The following FBXL7 variants were observed in gnomAD, a reference collection of about 807,000 sequenced individuals.
The protein encoded by FBXL7 is F-box and leucine rich repeat protein 7.
A neutral mutation model predicts 38.3 loss-of-function variants in FBXL7; 12 were observed. The observed-to-expected ratio is 0.31, with a 90% CI of 0.20 to 0.51. FBXL7 has a LOEUF of 0.51. FBXL7 is among the 20% of genes least tolerant of loss of function. The pLI, the probability that FBXL7 is intolerant of heterozygous loss-of-function variation, is 0.98. For missense variants in FBXL7, 567 were observed against 676.4 expected (o/e 0.84, Z 1.79); for synonymous variants, 297 against 300.9 (o/e 0.99, Z 0.13).
chr5:15,875,694 A>T (rs1258964786), intron 2 of FBXL7, among the ~76,000 whole-genome samples: 1 of 152,234 alleles, frequency 6.6e-6, no homozygotes, highest in Non-Finnish European at 1.5e-5. Flanking sequence ...AATCAAAACC[A>T]CAATGAAATA....
chr5:15,750,520 A>AT (rs1182635787), intron 2 of FBXL7, among the ~76,000 whole-genome samples: 1 of 152,178 alleles, frequency 6.6e-6, no homozygotes, highest in African/African-American at 2.4e-5. Context: ...CTGCAGCCCC[A>AT]CCTGCAGTTT....
chr5:15,691,084 C>T (rs1743167552), intron 2 of FBXL7, among the ~76,000 whole-genome samples: 1 of 152,136 alleles, frequency 6.6e-6, no homozygotes, highest in Non-Finnish European at 1.5e-5. Context: ...AATGAGCTTT[C>T]CTATCTGTTG....
intron 1 of FBXL7, among the ~76,000 whole-genome samples, chr5:15,554,322 C>T (rs1167732761): frequency 6.6e-6 from 1 of 152,134 alleles, no homozygotes; most frequent in East Asian, 1.9e-4. Context: ...CCAATTCAAG[C>T]AGATCCCTGT....
intron 1 of FBXL7, among the ~76,000 whole-genome samples, chr5:15,581,011 G>A (rs1463156575): frequency 2.0e-5 from 3 of 152,164 alleles, no homozygotes; most frequent in African/African-American, 7.2e-5. Flanking sequence ...AGTACCTGGG[G>A]ACAGATGCTG....
At chr5:15,741,982 C>A (rs1735905045) in intron 2 of FBXL7, among the ~76,000 whole-genome samples, 1 of 152,076 alleles carries the variant, frequency 6.6e-6, no homozygotes, top group Non-Finnish European at 1.5e-5. Flanking sequence ...TTTACTGAGG[C>A]AGAATGAGCT....
intron 2 of FBXL7, among the ~76,000 whole-genome samples, chr5:15,798,751 A>G (rs1737480537): frequency 6.6e-6 from 1 of 152,236 alleles, no homozygotes; most frequent in South Asian, 2.1e-4. Context: ...CAAATGCTTC[A>G]TCAGCCTTCT....
At chr5:15,511,937 A>G (rs947092343) in intron 1 of FBXL7, among the ~76,000 whole-genome samples, 1 of 152,170 alleles carries the variant, frequency 6.6e-6, no homozygotes, top group African/African-American at 2.4e-5. Flanking sequence ...TATAAGACAA[A>G]AGATCATGAC....
At chr5:15,851,725 T>C (rs974808429) in intron 2 of FBXL7, among the ~76,000 whole-genome samples, 1 of 151,738 alleles carries the variant, frequency 6.6e-6, no homozygotes, top group African/African-American at 2.4e-5. Context: ...TTGGGAGGGC[T>C]AGGGAGGGCT....
chr5:15,613,465 T>C (rs1740324181), intron 1 of FBXL7, among the ~76,000 whole-genome samples: 1 of 152,138 alleles, frequency 6.6e-6, no homozygotes, highest in Admixed American at 6.5e-5. Context: ...ATTGCTGCAT[T>C]GTTTTGGTTA....
At chr5:15,514,962 C>T (rs1306688777) in intron 1 of FBXL7, among the ~76,000 whole-genome samples, 1 of 152,176 alleles carries the variant, frequency 6.6e-6, no homozygotes, top group African/African-American at 2.4e-5. Context: ...TCATAGACCA[C>T]CTTCTCTCTG....
chr5:15,925,336 A>C (rs1324568446), intron 2 of FBXL7, among the ~76,000 whole-genome samples: 1 of 152,240 alleles, frequency 6.6e-6, no homozygotes, highest in Non-Finnish European at 1.5e-5. Flanking sequence ...GCAGCTACTC[A>C]AGAAAGGTGT....
chr5:15,849,218 G>A (rs1168290031), intron 2 of FBXL7, among the ~76,000 whole-genome samples: 1 of 152,216 alleles, frequency 6.6e-6, no homozygotes, highest in Admixed American at 6.5e-5. Flanking sequence ...AATGCAGTGT[G>A]TGACTCCTCT....
intron 2 of FBXL7, among the ~76,000 whole-genome samples, chr5:15,623,950 A>G (rs576570444): frequency 7.9e-5 from 12 of 152,330 alleles, no homozygotes; most frequent in Middle Eastern, 3.4e-3. Flanking sequence ...GCTCAAGACT[A>G]CGAGCCTTGA....
chr5:15,639,734 A>G (rs1355415130), intron 2 of FBXL7, among the ~76,000 whole-genome samples: 1 of 151,900 alleles, frequency 6.6e-6, no homozygotes, highest in Non-Finnish European at 1.5e-5. Context: ...AAGGGCTACT[A>G]GATTACTGCC....
intron 3 of FBXL7, among the ~76,000 whole-genome samples, chr5:15,934,516 T>C (rs1012877650): frequency 5.9e-5 from 9 of 152,016 alleles, no homozygotes; most frequent in African/African-American, 2.2e-4. Context: ...AACTTATGCA[T>C]ACATATTTTT....
At chr5:15,878,087 G>A (rs1184503988) in intron 2 of FBXL7, among the ~76,000 whole-genome samples, 2 of 152,194 alleles carry the variant, frequency 1.3e-5, no homozygotes, top group Non-Finnish European at 2.9e-5. Flanking sequence ...GCTGCACTAT[G>A]AGGACAACGT....
At chr5:15,771,574 C>A (rs1736727569) in intron 2 of FBXL7, among the ~76,000 whole-genome samples, 1 of 152,208 alleles carries the variant, frequency 6.6e-6, no homozygotes, top group African/African-American at 2.4e-5. Context: ...GGGATAACCT[C>A]TGGCTGGGAA....
In FBXL7 at chr5:15,505,682, CATTTT is replaced by C. The variant is rs553514076; in HGVS notation, c.37+4971_37+4975del. 1.4e-3 allele frequency among the ~76,000 whole-genome samples: 214 copies of C among 152,284 alleles called. 1 individual carries two copies. The highest frequency in any genetic ancestry group is 5.1e-3 in the African/African-American group (212 of 41,560). On this transcript the variant is annotated intron_variant, in intron 1 of 3. Coordinates refer to ENST00000504595, the MANE Select transcript of FBXL7 (RefSeq NM_012304.5). ...TTGGGAATATGGGCGTAGGGTATTA[CATTTT>C]AATTAGAGCAGGCACCATGAGCCTT...
intron 1 of FBXL7, among the ~76,000 whole-genome samples, chr5:15,525,791 C>T (rs1708237332): frequency 6.6e-6 from 1 of 152,036 alleles, no homozygotes; most frequent in South Asian, 2.1e-4. Context: ...AATATGGATC[C>T]CATGTTAAAG....
Sources: allele counts gnomAD v4.1 joint callset (sites outside exome capture counted in the v4.1 genomes callset), GRCh38; gene constraint gnomAD v4.1.1; transcripts MANE v1.5; gene names NCBI Gene and HGNC (gene_info 2026-07-23, HGNC 2026-07-21).